KCNJ6: variants seen among roughly 807,000 people sequenced by gnomAD.
The protein encoded by KCNJ6 is potassium inwardly rectifying channel subfamily J member 6, also known as G protein-activated inward rectifier potassium channel 2.
KCNJ6 carries 9 observed loss-of-function variants against 34.2 expected under a neutral mutation model. That is an observed-to-expected ratio of 0.26 (90% confidence interval 0.16 to 0.46). The LOEUF (loss-of-function observed/expected upper bound fraction) is 0.46, where lower values mean the gene tolerates loss of function less well. KCNJ6 is among the 20% of genes least tolerant of loss of function. The probability of loss-of-function intolerance (pLI) is 1.00; values close to 1 mark genes in which losing one functional copy is unlikely to be tolerated. For synonymous variants in KCNJ6, 196 were observed against 207.1 expected, an observed-to-expected ratio of 0.95 and a Z score of 0.46; for missense variants, 236 against 531.3, an observed-to-expected ratio of 0.44 and a Z score of 5.46.
At chr21:37,736,121 C>T (rs1212552045) in intron 2 of KCNJ6, among the ~76,000 whole-genome samples, 2 of 152,120 alleles carry the variant, frequency 1.3e-5, no homozygotes, top group East Asian at 3.9e-4. Context: ...CAAGCACAGG[C>T]TTGGAGCCCC....
intron 2 of KCNJ6, among the ~76,000 whole-genome samples, chr21:37,795,351 G>A (rs1028706728): frequency 1.3e-5 from 2 of 152,160 alleles, no homozygotes; most frequent in Non-Finnish European, 2.9e-5. Context: ...GTGCTGGGGT[G>A]AGGAAAATTA....
chr21:37,873,386 C>T lies in KCNJ6; in HGVS notation c.-27-32677G>A, dbSNP rs143251471. Among the ~76,000 whole-genome samples, 289 of 152,248 alleles carry T rather than the reference C, an allele frequency of 1.9e-3. 2 individuals are homozygous for T. Among genetic ancestry groups the T allele is most frequent in the Non-Finnish European group, 3.0e-3 (201 of 68,028 alleles). ...ACAGAGGAGAAAACTGAGACTAAAC[C>T]AGGTGAATAACTTTTCCAAAGATCT... On this transcript the variant is annotated intron_variant, in intron 1 of 3. Coordinates refer to ENST00000609713, the MANE Select transcript of KCNJ6 (RefSeq NM_002240.5).
At chr21:37,818,874 A>G (rs1444210322) in intron 2 of KCNJ6, among the ~76,000 whole-genome samples, 1 of 152,176 alleles carries the variant, frequency 6.6e-6, no homozygotes, top group Non-Finnish European at 1.5e-5. Flanking sequence ...ACAGGTGTAG[A>G]TCTTGCTGTA....
chr21:37,848,679 C>T lies in KCNJ6; in HGVS notation c.-27-7970G>A, dbSNP rs931521909. Among the ~76,000 whole-genome samples the T allele has an allele frequency of 5.9e-5, 9 of 152,186 alleles. No individual in the cohort carries two copies. The East Asian group carries it at 1.7e-3, about 29-fold the overall frequency. ...GTTTGTACTAACATTGCCTCAATTC[C>T]TTTGGGCTTCAGCGTGAGTTCGTAG... On this transcript the variant is annotated intron_variant, in intron 1 of 3. Transcript: ENST00000609713.
At chr21:37,828,822 G>A (rs986575851) in intron 2 of KCNJ6, among the ~76,000 whole-genome samples, 1 of 152,178 alleles carries the variant, frequency 6.6e-6, no homozygotes, top group African/African-American at 2.4e-5. Context: ...GACTGTCCAC[G>A]CTTCCCTGAT....
intron 3 of KCNJ6, among the ~76,000 whole-genome samples, chr21:37,630,288 G>C (rs982288124): frequency 6.6e-6 from 1 of 152,172 alleles, no homozygotes; most frequent in African/African-American, 2.4e-5. Context: ...ACCTGATCTT[G>C]ATCTCCTTTG....
chr21:37,796,682 A>G (rs1048715619), intron 2 of KCNJ6, among the ~76,000 whole-genome samples: 1 of 151,368 alleles, frequency 6.6e-6, no homozygotes, highest in Admixed American at 6.6e-5. Context: ...CCCTGTTACT[A>G]TAACTTGGGG....
In KCNJ6 at chr21:37,617,101, T is replaced by TA. The variant is rs2123354632; in HGVS notation, c.*8057_*8058insT. The stretch of plus-strand genomic sequence containing the variant: ...TCTTTCTTTTTCTTTCTTTCTTTTC[T>TA]TTCTTTCTTTCCTTCTTCCTTCCTT... On this transcript the variant is annotated 3_prime_UTR_variant, in exon 4 of 4. Coordinates refer to ENST00000609713, the MANE Select transcript of KCNJ6 (RefSeq NM_002240.5). 3 of 141,444 alleles carry TA rather than the reference T, an allele frequency of 2.1e-5. No individual in the cohort carries two copies. The highest frequency in any genetic ancestry group is 8.1e-5 in the African/African-American group (3 of 37,212). 8.8% of individuals were successfully genotyped at this position (141,444 alleles called of 1,614,324 possible).
chr21:37,676,859 A>G (rs1159399914), intron 3 of KCNJ6, among the ~76,000 whole-genome samples: 2 of 152,232 alleles, frequency 1.3e-5, no homozygotes, highest in African/African-American at 4.8e-5. Context: ...GCTGAGGTTG[A>G]GGAACCACGA....
intron 2 of KCNJ6, among the ~76,000 whole-genome samples, chr21:37,755,598 G>T (rs965031613): frequency 6.6e-6 from 1 of 152,252 alleles, no homozygotes; most frequent in Non-Finnish European, 1.5e-5. Context: ...GAAGAGAGGA[G>T]CCTGGATTAT....
chr21:37,673,838 G>C (rs2054552516), intron 3 of KCNJ6, among the ~76,000 whole-genome samples: 1 of 152,144 alleles, frequency 6.6e-6, no homozygotes, highest in Non-Finnish European at 1.5e-5. Flanking sequence ...AGAAGGGGAA[G>C]GGGCTCTCAT....
chr21:37,892,069 T>G (rs1381629253), intron 1 of KCNJ6, among the ~76,000 whole-genome samples: 3 of 152,236 alleles, frequency 2.0e-5, no homozygotes, highest in Admixed American at 6.5e-5. Context: ...CTTCTTTAAA[T>G]CAATGGTTCT....
intron 2 of KCNJ6, among the ~76,000 whole-genome samples, chr21:37,831,003 C>T (rs1050253970): frequency 2.0e-5 from 3 of 152,094 alleles, no homozygotes; most frequent in Non-Finnish European, 4.4e-5. Context: ...TCAAGAAAGT[C>T]CCACCCTGAG....
chr21:37,849,744 C>G (rs960214527), intron 1 of KCNJ6, among the ~76,000 whole-genome samples: 2 of 152,156 alleles, frequency 1.3e-5, no homozygotes, highest in African/African-American at 2.4e-5. Context: ...CCTGGCTAAC[C>G]CATTCTGAGT....
intron 2 of KCNJ6, among the ~76,000 whole-genome samples, chr21:37,787,225 CTGAT>C (rs1327179344): frequency 6.6e-6 from 1 of 152,180 alleles, no homozygotes; most frequent in African/African-American, 2.4e-5. Context: ...GTCTGTGAAA[CTGAT>C]TGACTAGAGC....
intron 2 of KCNJ6, among the ~76,000 whole-genome samples, chr21:37,823,856 C>T (rs1189834032): frequency 5.4e-5 from 1 of 18,434 alleles, no homozygotes; most frequent in Admixed American, 5.7e-4. Flanking sequence ...TCAAAGAACA[C>T]AAAGTTTCAG....
intron 3 of KCNJ6, among the ~76,000 whole-genome samples, chr21:37,694,414 A>G (rs2054654771): frequency 6.6e-6 from 1 of 152,188 alleles, no homozygotes; most frequent in African/African-American, 2.4e-5. Context: ...CATTTTTGGT[A>G]TCTTTCAATA....
At position 37,660,794 on chromosome 21, in the gene KCNJ6, G is replaced by A. The variant is rs186803810; in HGVS notation, c.947-35310C>T. ...CCAGGCACTGCACCAGAGGGCACCCGTTTGGCCTTAATTGACACCGCTAAT... is the reference window on the plus strand; with the variant it reads ...CCAGGCACTGCACCAGAGGGCACCCATTTGGCCTTAATTGACACCGCTAAT... On this transcript the variant is annotated intron_variant, in intron 3 of 3. Coordinates refer to ENST00000609713, the MANE Select transcript of KCNJ6 (RefSeq NM_002240.5). 1.2e-3 allele frequency among the ~76,000 whole-genome samples: 189 copies of A among 152,298 alleles called. 1 individual carries two copies. The highest frequency in any genetic ancestry group is 4.0e-3 in the African/African-American group (165 of 41,572).
chr21:37,626,130 C>CTTTTTTTTTTTTTTTTTTTTTTT (rs10649366), intron 3 of KCNJ6, among the ~76,000 whole-genome samples: 1 of 143,040 alleles, frequency 7.0e-6, no homozygotes, highest in African/African-American at 2.6e-5. Context: ...TTTCCCCCTT[C>CTTTTTTTTTTTTTTTTTTTTTTT]TTTTTTTTTT....
Sources: allele counts gnomAD v4.1 joint callset (sites outside exome capture counted in the v4.1 genomes callset), GRCh38; gene constraint gnomAD v4.1.1; transcripts MANE v1.5; gene names NCBI Gene and HGNC (gene_info 2026-07-23, HGNC 2026-07-21).